ADAMTSL3: variants seen among roughly 807,000 people sequenced by gnomAD.
ADAMTSL3 encodes the protein ADAMTS-like protein 3.
ADAMTSL3 carries 128 observed loss-of-function variants against 201.7 expected under a neutral mutation model. That is an observed-to-expected ratio of 0.63 (90% confidence interval 0.55 to 0.73). ADAMTSL3 has a LOEUF of 0.73. ADAMTSL3 is among the 30% of genes least tolerant of loss of function. The pLI, the probability that ADAMTSL3 is intolerant of heterozygous loss-of-function variation, is 0.00. For missense variants in ADAMTSL3, 1,990 were observed against 2,119.6 expected, an observed-to-expected ratio of 0.94 and a Z score of 1.20; for synonymous variants, 738 against 748.4, an observed-to-expected ratio of 0.99 and a Z score of 0.23.
At position 83,822,796 on chromosome 15, in the gene ADAMTSL3, G is replaced by A. The variant is rs375132750; in HGVS notation, c.600+2749G>A. On this transcript the variant is annotated intron_variant, in intron 6 of 29. Transcript: ENST00000286744. Reference sequence around the variant, plus strand: ...CTCCTCACTTCCCAGATGGGGTGGCGGCCGGGCAGAGGCTGCAATCTCGGC... The same window carrying A: ...CTCCTCACTTCCCAGATGGGGTGGCAGCCGGGCAGAGGCTGCAATCTCGGC... 4.5e-3 allele frequency among the ~76,000 whole-genome samples: 681 copies of A among 151,938 alleles called. 5 individuals are homozygous for A. Among genetic ancestry groups the A allele is most frequent in the Admixed American group, 0.035 (529 of 15,248 alleles).
chr15:83,903,047 T>G (rs889679962), intron 15 of ADAMTSL3, among the ~76,000 whole-genome samples: 2 of 152,014 alleles, frequency 1.3e-5, no homozygotes, highest in African/African-American at 2.4e-5. Flanking sequence ...ATCATTTCAT[T>G]CATAATTATG....
At chr15:83,894,436 G>A (rs1461411718) in intron 13 of ADAMTSL3, among the ~76,000 whole-genome samples, 1 of 152,146 alleles carries the variant, frequency 6.6e-6, no homozygotes, top group Non-Finnish European at 1.5e-5. Context: ...TCAACATGTT[G>A]TGAATGTTGA....
intron 5 of ADAMTSL3, among the ~76,000 whole-genome samples, chr15:83,807,968 A>G (rs2063626911): frequency 6.6e-6 from 1 of 152,208 alleles, no homozygotes; most frequent in African/African-American, 2.4e-5. Flanking sequence ...CCTATCTCTC[A>G]CCGTGTACAA....
intron 19 of ADAMTSL3, among the ~76,000 whole-genome samples, chr15:83,950,933 TATC>T: frequency 6.6e-6 from 1 of 152,056 alleles, no homozygotes; most frequent in East Asian, 1.9e-4. Flanking sequence ...TGTAAGATCA[TATC>T]ATCTGGGAAC....
intron 3 of ADAMTSL3, among the ~76,000 whole-genome samples, chr15:83,744,705 T>C (rs1049948441): frequency 4.6e-5 from 7 of 152,204 alleles, no homozygotes; most frequent in African/African-American, 1.7e-4. Flanking sequence ...ATTTTACCTA[T>C]CTAACTTAAA....
At chr15:83,966,876 C>T (rs777968074) in intron 19 of ADAMTSL3, among the ~76,000 whole-genome samples, 3 of 152,206 alleles carry the variant, frequency 2.0e-5, no homozygotes, top group Non-Finnish European at 4.4e-5. Flanking sequence ...GCTGGTTCAA[C>T]ATACGAAAAT....
chr15:83,975,524 G>A (rs1256485677), intron 20 of ADAMTSL3, among the ~76,000 whole-genome samples: 1 of 152,144 alleles, frequency 6.6e-6, no homozygotes, highest in Non-Finnish European at 1.5e-5. Flanking sequence ...AGGGTCCCAG[G>A]ACGTACGTGT....
At chr15:83,884,383 T>C (rs2065347218) in intron 9 of ADAMTSL3, among the ~76,000 whole-genome samples, 2 of 137,360 alleles carry the variant, frequency 1.5e-5, no homozygotes, top group Admixed American at 7.6e-5. Context: ...CAAGACATTC[T>C]CCCACCTCAG....
chr15:83,742,815 T>G (rs931221049), intron 3 of ADAMTSL3, among the ~76,000 whole-genome samples: 1 of 152,190 alleles, frequency 6.6e-6, no homozygotes, highest in African/African-American at 2.4e-5. Flanking sequence ...GTCACCTTCT[T>G]CGGTCTGTGT....
intron 12 of ADAMTSL3, 124 bp downstream of exon 12, chr15:83,891,503 A>G (rs2141889358): frequency 1.3e-6 from 1 of 762,944 alleles, no homozygotes; most frequent in Middle Eastern, 2.4e-4. Flanking sequence ...GCTAAGGGAA[A>G]ACAGACTTCT....
At chr15:83,880,926 T>C (rs1330698791) in intron 9 of ADAMTSL3, among the ~76,000 whole-genome samples, 1 of 152,206 alleles carries the variant, frequency 6.6e-6, no homozygotes, top group Non-Finnish European at 1.5e-5. Context: ...TTTTCACTTT[T>C]TTGGGTTGTC....
chr15:83,787,332 T>C lies in ADAMTSL3; in HGVS notation c.317+13682T>C, dbSNP rs2063280773. On this transcript the variant is annotated intron_variant, in intron 4 of 29. Coordinates refer to ENST00000286744, the MANE Select transcript of ADAMTSL3 (RefSeq NM_207517.3). ...TATGCTGTGCCCACATGATTATTGA[T>C]GTATGGTATAAATTTAATACATTTT... Among the ~76,000 whole-genome samples the C allele has an allele frequency of 2.0e-5, 3 of 152,300 alleles. No homozygotes were observed. In the South Asian group the frequency reaches 6.2e-4, roughly 32 times the overall value.
At chr15:83,980,768 C>A (rs1459898649) in intron 20 of ADAMTSL3, among the ~76,000 whole-genome samples, 1 of 152,180 alleles carries the variant, frequency 6.6e-6, no homozygotes, top group Non-Finnish European at 1.5e-5. Flanking sequence ...TATGGGTTCA[C>A]CTCCATTGTT....
chr15:83,678,136 C>T (rs1352174822), intron 2 of ADAMTSL3, among the ~76,000 whole-genome samples: 1 of 152,046 alleles, frequency 6.6e-6, no homozygotes, highest in Non-Finnish European at 1.5e-5. Flanking sequence ...AGCACCACAT[C>T]AGATGACATA....
chr15:83,785,764 T>C (rs2063251800), intron 4 of ADAMTSL3, among the ~76,000 whole-genome samples: 1 of 152,106 alleles, frequency 6.6e-6, no homozygotes, highest in Non-Finnish European at 1.5e-5. Flanking sequence ...GTCTTTCACA[T>C]TTATCATGTT....
intron 17 of ADAMTSL3, 28 bp downstream of exon 17, chr15:83,924,061 A>G (rs759998648): frequency 1.9e-5 from 31 of 1,612,792 alleles, no homozygotes; most frequent in South Asian, 1.8e-4. Flanking sequence ...TTCCTGGTAT[A>G]TACCGTGTCC....
intron 3 of ADAMTSL3, among the ~76,000 whole-genome samples, chr15:83,749,915 C>G (rs1445293294): frequency 6.6e-6 from 1 of 152,192 alleles, no homozygotes; most frequent in African/African-American, 2.4e-5. Flanking sequence ...ATGATAAGCT[C>G]AGAAGTCCCT....
At chr15:83,699,001 A>G (rs1294717721) in intron 2 of ADAMTSL3, among the ~76,000 whole-genome samples, 2 of 152,014 alleles carry the variant, frequency 1.3e-5, no homozygotes, top group Non-Finnish European at 2.9e-5. Flanking sequence ...TCTTCTACTT[A>G]ATTTCAAATA....
intron 4 of ADAMTSL3, 77 bp from the exon 5 acceptor site, chr15:83,804,573 C>CTTTTTTTTT: frequency 1.5e-6 from 1 of 655,566 alleles, no homozygotes; most frequent in Admixed American, 5.0e-5. Flanking sequence ...CTTGTATTTG[C>CTTTTTTTTT]TTTTTTTTTT....
Sources: allele counts gnomAD v4.1 joint callset (sites outside exome capture counted in the v4.1 genomes callset), GRCh38; gene constraint gnomAD v4.1.1; transcripts MANE v1.5; gene names NCBI Gene and HGNC (gene_info 2026-07-23, HGNC 2026-07-21).